ZNF407: variants seen among roughly 807,000 people sequenced by gnomAD.
ZNF407 encodes zinc finger protein 407.
A neutral mutation model predicts 131.2 loss-of-function variants in ZNF407; 17 were observed. The observed-to-expected ratio is 0.13, with a 90% CI of 0.09 to 0.19. The LOEUF (loss-of-function observed/expected upper bound fraction) is 0.19, where lower values mean the gene tolerates loss of function less well. Ranked by LOEUF, ZNF407 falls within the 10% of genes least tolerant of loss-of-function variation. The pLI is 1.00. For missense variants in ZNF407, 2,681 were observed against 2,830.6 expected (o/e 0.95, Z 1.20); for synonymous variants, 1,156 against 1,062.0 (o/e 1.09, Z -1.72).
intron 1 of ZNF407, among the ~76,000 whole-genome samples, chr18:74,606,045 G>C (rs750764318): frequency 6.6e-6 from 1 of 152,172 alleles, no homozygotes; most frequent in Non-Finnish European, 1.5e-5. Context: ...ACGCCAAAGC[G>C]CCCTAACCCT....
chr18:74,759,948 GTCTCTCTCTC>G (rs10662564), intron 3 of ZNF407, among the ~76,000 whole-genome samples: 1 of 142,940 alleles, frequency 7.0e-6, no homozygotes, highest in East Asian at 2.0e-4. Context: ...TACTTTACAT[GTCTCTCTCTC>G]TCTCTCTCTC....
In ZNF407 at chr18:74,633,194, G is replaced by T. The variant is rs747702249; in HGVS notation, c.2175G>T (p.Lys725Asn). The T allele has an allele frequency of 1.2e-6, 2 of 1,613,746 alleles. No homozygotes were observed. The highest frequency in any genetic ancestry group is 1.7e-6 in the Non-Finnish European group (2 of 1,179,798). Residue 725 changes from lysine to asparagine, a missense_variant, in exon 2 of 9, where the codon AAG (lysine) becomes AAT (asparagine). Physicochemically the swap from Lys to Asn is moderately conservative, Grantham distance 94 (BLOSUM62 0). Around this residue, in one of 6 missense-constraint regions of ZNF407, gnomAD observed 1,789 missense variants for 1,748.7 expected, o/e 1.02. Coordinates refer to ENST00000299687, the MANE Select transcript of ZNF407 (RefSeq NM_017757.3). The stretch of plus-strand genomic sequence containing the variant: ...CTACTGTTCTCACGAGACATATAAA[G>T]CTTCGGCATGGTCAAGACTATCATT... ...RSSTVLTRHI[K>N]LRHGQDYHFL...
chr18:75,042,325 T>C (rs542612368), intron 8 of ZNF407, among the ~76,000 whole-genome samples: 1 of 152,366 alleles, frequency 6.6e-6, no homozygotes, highest in East Asian at 1.9e-4. Context: ...ATATTAGATA[T>C]AATTTTCATT....
intron 4 of ZNF407, among the ~76,000 whole-genome samples, chr18:74,872,147 C>T (rs1184274896): frequency 6.7e-6 from 1 of 150,126 alleles, no homozygotes; most frequent in Non-Finnish European, 1.5e-5. Context: ...CTGCCGTCAG[C>T]CCCGCCCCCC....
At chr18:74,627,598 T>C (rs1228857061) in intron 1 of ZNF407, among the ~76,000 whole-genome samples, 1 of 151,842 alleles carries the variant, frequency 6.6e-6, no homozygotes, top group African/African-American at 2.4e-5. Flanking sequence ...TCCAAAGTGC[T>C]GAGATTACAG....
At position 74,631,931 on chromosome 18, in the gene ZNF407, A is replaced by T; in HGVS notation, c.912A>T (p.Lys304Asn). Reference sequence around the variant, plus strand: ...TGGCAACAAAAAATGTTCACTCAAAACCAAGAACTTCTAAATCAATAGCAA... The same window carrying T: ...TGGCAACAAAAAATGTTCACTCAAATCCAAGAACTTCTAAATCAATAGCAA... ...RTMATKNVHS[K>N]PRTSKSIAKN... is the part of the protein sequence containing the mutation. The change falls in exon 2 of 9, where the codon AAA (lysine) becomes AAT (asparagine). Residue 304 changes from lysine to asparagine, a missense_variant. By Grantham distance (94) the Lys-to-Asn change is moderately conservative (BLOSUM62 0). Transcript: ENST00000299687. The T allele has an allele frequency of 6.2e-7, 1 of 1,614,004 alleles. No individual in the cohort carries two copies. The highest frequency in any genetic ancestry group is 1.3e-5 in the African/African-American group (1 of 75,052).
Position 74,605,211 on chromosome 18 carries a change from T to G in ZNF407, c.-54+7274T>G, listed in dbSNP as rs534532195. Among the ~76,000 whole-genome samples the G allele has an allele frequency of 3.3e-3, 476 of 143,130 alleles. 4 individuals carry two copies. The highest frequency in any genetic ancestry group is 0.011 in the African/African-American group (448 of 39,082). 93.9% of individuals were successfully genotyped at this position (143,130 alleles called of 152,430 possible). A position where few individuals can be genotyped will look rare whatever the true frequency, so the allele number is the denominator to read the frequency against. On this transcript the variant is annotated intron_variant, in intron 1 of 8. Coordinates refer to ENST00000299687, the MANE Select transcript of ZNF407 (RefSeq NM_017757.3). Reference sequence around the variant, plus strand: ...GGTGACTTCAGTCTTGAAGAGCACCTCCTTCACCCCCAGCTACTTAGTGAG... The same window carrying G: ...GGTGACTTCAGTCTTGAAGAGCACCGCCTTCACCCCCAGCTACTTAGTGAG...
chr18:75,015,564 T>TTA (rs200958008), intron 8 of ZNF407, among the ~76,000 whole-genome samples: 29 of 144,238 alleles, frequency 2.0e-4, no homozygotes, highest in East Asian at 1.2e-3. Flanking sequence ...CATATAAACA[T>TTA]TATATATATA....
chr18:74,902,893 T>TA (rs1187706497), intron 7 of ZNF407, among the ~76,000 whole-genome samples: 1 of 152,160 alleles, frequency 6.6e-6, no homozygotes, highest in Non-Finnish European at 1.5e-5. Context: ...TGAACTCTCT[T>TA]ATCATATGTT....
intron 8 of ZNF407, among the ~76,000 whole-genome samples, chr18:74,940,580 T>A (rs1189266287): frequency 2.0e-5 from 3 of 152,144 alleles, no homozygotes; most frequent in African/African-American, 7.2e-5. Flanking sequence ...GGGAAACCAG[T>A]GAAGGTTGTA....
intron 4 of ZNF407, among the ~76,000 whole-genome samples, chr18:74,836,602 C>T (rs1417530769): frequency 2.0e-5 from 3 of 152,236 alleles, no homozygotes; most frequent in Non-Finnish European, 4.4e-5. Flanking sequence ...GGGTCGATGC[C>T]TCCGTTTCTA....
chr18:74,866,258 G>A (rs892847999), intron 4 of ZNF407, among the ~76,000 whole-genome samples: 6 of 152,208 alleles, frequency 3.9e-5, no homozygotes, highest in African/African-American at 1.4e-4. Flanking sequence ...TACTCTAGAA[G>A]TGTAGTGTAA....
intron 1 of ZNF407, among the ~76,000 whole-genome samples, chr18:74,630,690 T>C (rs1984019057): frequency 1.3e-5 from 2 of 152,140 alleles, no homozygotes; most frequent in Admixed American, 1.3e-4. Context: ...GTACAGAGAA[T>C]TGAAATATGG....
chr18:75,008,498 A>G (rs1972937170), intron 8 of ZNF407, among the ~76,000 whole-genome samples: 1 of 152,236 alleles, frequency 6.6e-6, no homozygotes, highest in African/African-American at 2.4e-5. Flanking sequence ...AATTGCAGAA[A>G]GTCATCCCCG....
At chr18:74,907,282 C>T (rs1971609248) in intron 7 of ZNF407, among the ~76,000 whole-genome samples, 1 of 152,200 alleles carries the variant, frequency 6.6e-6, no homozygotes. Flanking sequence ...TCGCTCCTCT[C>T]CTCAGTTTAT....
Position 74,632,684 on chromosome 18 carries a change from G to T in ZNF407, c.1665G>T (p.Met555Ile). 1 of 1,614,040 alleles carries T rather than the reference G, an allele frequency of 6.2e-7. No individual in the cohort carries two copies. Among genetic ancestry groups the T allele is most frequent in the Non-Finnish European group, 8.5e-7 (1 of 1,179,894 alleles). Residue 555 changes from methionine (M) to isoleucine (I), a missense_variant, in exon 2 of 9, where the codon ATG becomes ATT. Around this residue, in one of 6 missense-constraint regions of ZNF407, gnomAD observed 1,789 missense variants for 1,748.7 expected, o/e 1.02. Coordinates refer to ENST00000299687, the MANE Select transcript of ZNF407 (RefSeq NM_017757.3). ...IHVKRCHARE[M>I]KFYCRTCDFS... Reference sequence around the variant, plus strand: ...TGAAAAGGTGCCATGCCAGAGAGATGAAATTTTACTGCCGTACTTGTGACT... The same window carrying T: ...TGAAAAGGTGCCATGCCAGAGAGATTAAATTTTACTGCCGTACTTGTGACT...
At chr18:74,915,349 T>TGC (rs1472036712) in intron 7 of ZNF407, among the ~76,000 whole-genome samples, 1 of 142,460 alleles carries the variant, frequency 7.0e-6, no homozygotes, top group African/African-American at 2.7e-5. Context: ...TGTGTGTGTG[T>TGC]GTGCATGTGT....
intron 8 of ZNF407, among the ~76,000 whole-genome samples, chr18:74,954,684 A>G (rs1030760865): frequency 6.6e-6 from 1 of 152,146 alleles, no homozygotes; most frequent in Admixed American, 6.5e-5. Context: ...ATATTTTTAT[A>G]TTTACATTTT....
intron 8 of ZNF407, among the ~76,000 whole-genome samples, chr18:75,012,413 A>T (rs111286342): frequency 7.9e-5 from 12 of 151,102 alleles, no homozygotes; most frequent in African/African-American, 2.7e-4. Context: ...GTACGTACAC[A>T]TAGTGTATAG....
Sources: allele counts gnomAD v4.1 joint callset (sites outside exome capture counted in the v4.1 genomes callset), GRCh38; gene constraint gnomAD v4.1.1; regional missense constraint gnomAD v4.1.1; transcripts MANE v1.5; gene names NCBI Gene and HGNC (gene_info 2026-07-23, HGNC 2026-07-21).